PTPRD: variants seen among roughly 807,000 people sequenced by gnomAD.
PTPRD encodes the protein receptor-type tyrosine-protein phosphatase delta.
Under a neutral mutation model 214.5 loss-of-function variants are expected in PTPRD, and 34 were observed. The observed-to-expected ratio is 0.16, with a 90% CI of 0.12 to 0.21. PTPRD has a LOEUF of 0.21. Ranked by LOEUF, PTPRD falls within the 10% of genes least tolerant of loss-of-function variation. The pLI, the probability that PTPRD is intolerant of heterozygous loss-of-function variation, is 1.00. For missense variants in PTPRD, 2,545 were observed against 2,398.7 expected (o/e 1.06, Z -1.27); for synonymous variants, 1,128 against 845.7 (o/e 1.33, Z -5.79).
chr9:8,682,685 T>C (rs746386115), intron 12 of PTPRD, among the ~76,000 whole-genome samples: 8 of 152,200 alleles, frequency 5.3e-5, no homozygotes, highest in Non-Finnish European at 8.8e-5. Context: ...GAACAGAACA[T>C]CACATTTAAG....
At chr9:10,231,055 G>A (rs1457301659) in intron 3 of PTPRD, among the ~76,000 whole-genome samples, 3 of 151,936 alleles carry the variant, frequency 2.0e-5, no homozygotes, top group African/African-American at 7.2e-5. Flanking sequence ...CTGGTCAAAA[G>A]GAAGACACAG....
chr9:8,809,791 A>G (rs2096763758), intron 11 of PTPRD, among the ~76,000 whole-genome samples: 2 of 152,214 alleles, frequency 1.3e-5, no homozygotes, highest in Non-Finnish European at 2.9e-5. Context: ...ATTTGATATG[A>G]CGGGTGTGAG....
chr9:9,425,980 G>C (rs151103716), intron 8 of PTPRD, among the ~76,000 whole-genome samples: 333 of 152,264 alleles, frequency 2.2e-3, no homozygotes, highest in African/African-American at 7.5e-3. Context: ...CCCACCATGA[G>C]AGACACAGAA....
chr9:8,968,116 G>A (rs531941257), intron 11 of PTPRD, among the ~76,000 whole-genome samples: 86 of 152,092 alleles, frequency 5.7e-4, no homozygotes, highest in Middle Eastern at 3.4e-3. Flanking sequence ...AGTATTCCAC[G>A]GTGTATATGT....
intron 3 of PTPRD, among the ~76,000 whole-genome samples, chr9:10,111,800 T>A (rs1421572251): frequency 1.3e-5 from 2 of 152,228 alleles, no homozygotes; most frequent in Non-Finnish European, 2.9e-5. Context: ...ACTTCTTAGC[T>A]CTGTGATGGC....
At chr9:10,611,151 T>C (rs910945274) in intron 2 of PTPRD, among the ~76,000 whole-genome samples, 1 of 152,160 alleles carries the variant, frequency 6.6e-6, no homozygotes, top group Non-Finnish European at 1.5e-5. Context: ...TGTATTATAC[T>C]GAGAAAGAAA....
intron 9 of PTPRD, among the ~76,000 whole-genome samples, chr9:9,212,630 A>G (rs558988127): frequency 2.0e-4 from 30 of 152,318 alleles, no homozygotes; most frequent in African/African-American, 6.0e-4. Context: ...GGAGCAAGAA[A>G]CCCGGCATGT....
intron 11 of PTPRD, among the ~76,000 whole-genome samples, chr9:8,830,605 G>A (rs911592098): frequency 2.0e-5 from 3 of 152,218 alleles, no homozygotes; most frequent in African/African-American, 7.2e-5. Context: ...TCCCCCCAGT[G>A]AGGAGTGTGC....
At chr9:10,588,797 G>GC (rs2074634156) in intron 2 of PTPRD, among the ~76,000 whole-genome samples, 1 of 151,712 alleles carries the variant, frequency 6.6e-6, no homozygotes, top group Non-Finnish European at 1.5e-5. Context: ...AGTCTCTCTG[G>GC]CCCCCTATTT....
chr9:10,315,411 T>C (rs2154421908), intron 3 of PTPRD, among the ~76,000 whole-genome samples: 1 of 151,996 alleles, frequency 6.6e-6, no homozygotes, highest in Non-Finnish European at 1.5e-5. Context: ...TCAGTATACT[T>C]ACCTCTTCTG....
intron 11 of PTPRD, among the ~76,000 whole-genome samples, chr9:8,918,045 A>G (rs190530491): frequency 3.0e-4 from 46 of 152,284 alleles, no homozygotes; most frequent in Admixed American, 1.4e-3. Context: ...CAAGCTTTCA[A>G]TTAAGGGGAC....
chr9:8,921,961 A>G (rs1450182556), intron 11 of PTPRD, among the ~76,000 whole-genome samples: 1 of 152,252 alleles, frequency 6.6e-6, no homozygotes, highest in Non-Finnish European at 1.5e-5. Context: ...AAACAATAAA[A>G]GGGAAAGTTG....
At chr9:8,430,943 A>G (rs2095005980) in intron 35 of PTPRD, among the ~76,000 whole-genome samples, 1 of 152,150 alleles carries the variant, frequency 6.6e-6, no homozygotes, top group South Asian at 2.1e-4. Context: ...GTCTTTGACA[A>G]CTACAAACTC....
intron 5 of PTPRD, among the ~76,000 whole-genome samples, chr9:9,782,919 G>C (rs776211068): frequency 1.3e-5 from 2 of 152,118 alleles, no homozygotes; most frequent in Non-Finnish European, 1.5e-5. Flanking sequence ...ATAAATACAT[G>C]TTGACTGACT....
At chr9:10,397,877 G>A (rs540506329) in intron 2 of PTPRD, among the ~76,000 whole-genome samples, 17 of 152,002 alleles carry the variant, frequency 1.1e-4, no homozygotes, top group East Asian at 7.9e-4. Flanking sequence ...TACACTCCAC[G>A]ATGTTTGCAC....
chr9:8,670,839 A>G (rs1012218600), intron 12 of PTPRD, among the ~76,000 whole-genome samples: 1 of 152,196 alleles, frequency 6.6e-6, no homozygotes, highest in Non-Finnish European at 1.5e-5. Flanking sequence ...AATGAGACCC[A>G]GTAAAAGCAC....
At chr9:9,067,619 T>A (rs1321294003) in intron 10 of PTPRD, among the ~76,000 whole-genome samples, 1 of 152,214 alleles carries the variant, frequency 6.6e-6, no homozygotes, top group Non-Finnish European at 1.5e-5. Flanking sequence ...ACTGTAAAAC[T>A]TTTGAATTTT....
intron 12 of PTPRD, among the ~76,000 whole-genome samples, chr9:8,668,750 T>A (rs2097218210): frequency 6.6e-6 from 1 of 152,218 alleles, no homozygotes; most frequent in Admixed American, 6.5e-5. Flanking sequence ...AAAACTCGAA[T>A]CTTTACTATA....
chr9:10,551,003 T>G (rs2061229441), intron 2 of PTPRD, among the ~76,000 whole-genome samples: 1 of 152,176 alleles, frequency 6.6e-6, no homozygotes, highest in Admixed American at 6.5e-5. Context: ...AGGTCTCCCT[T>G]AATAGCATGG....
Sources: gnomAD v4.1 joint callset for allele counts (sites outside exome capture counted in the v4.1 genomes callset) on GRCh38, gnomAD v4.1.1 for gene constraint, MANE v1.5 for transcripts, NCBI Gene and HGNC (gene_info 2026-07-23, HGNC 2026-07-21) for gene names.